The following PIWIL2 variants were observed in gnomAD, a reference collection of about 807,000 sequenced individuals.
The protein encoded by PIWIL2 is piwi like RNA-mediated gene silencing 2.
PIWIL2 carries 81 observed loss-of-function variants against 116.5 expected under a neutral mutation model. That is an observed-to-expected ratio of 0.70 (90% CI 0.58 to 0.84). The LOEUF (loss-of-function observed/expected upper bound fraction) is 0.84, where lower values mean the gene tolerates loss of function less well. Ranked by LOEUF, PIWIL2 falls within the 40% of genes least tolerant of loss-of-function variation. The probability of loss-of-function intolerance (pLI) is 0.00; values close to 1 mark genes in which losing one functional copy is unlikely to be tolerated. For missense variants in PIWIL2, 1,272 were observed against 1,212.3 expected, an observed-to-expected ratio of 1.05 and a Z score of -0.73; for synonymous variants, 489 against 429.5, an observed-to-expected ratio of 1.14 and a Z score of -1.71.
At chr8:22,310,627 T>A (rs1831304802) in intron 15 of PIWIL2, among the ~76,000 whole-genome samples, 1 of 152,064 alleles carries the variant, frequency 6.6e-6, no homozygotes, top group African/African-American at 2.4e-5. Context: ...AGTTTTTTTT[T>A]AATTAAATAG....
chr8:22,333,134 C>G (rs1229824718), intron 20 of PIWIL2, among the ~76,000 whole-genome samples: 3 of 152,026 alleles, frequency 2.0e-5, no homozygotes, highest in Non-Finnish European at 4.4e-5. Context: ...AGATGTTGTA[C>G]TCTCTAGGGT....
intron 20 of PIWIL2, among the ~76,000 whole-genome samples, chr8:22,352,482 A>C (rs543757941): frequency 1.3e-5 from 2 of 152,312 alleles, no homozygotes; most frequent in East Asian, 3.9e-4. Context: ...GGGACGTTTC[A>C]CTTGTCAGCA....
chr8:22,332,679 A>G (rs1831889022), intron 20 of PIWIL2, among the ~76,000 whole-genome samples: 1 of 152,148 alleles, frequency 6.6e-6, no homozygotes, highest in African/African-American at 2.4e-5. Flanking sequence ...AGATAATAAT[A>G]TAATAGCTAC....
At chr8:22,289,786 A>G in intron 8 of PIWIL2, 61 bp from the exon 9 acceptor site, 1 of 1,008,722 alleles carries the variant, frequency 9.9e-7, no homozygotes, top group South Asian at 1.3e-5. Flanking sequence ...GTAGCTAAGA[A>G]TAATGGAACA....
At chr8:22,340,742 A>G (rs184030699) in intron 20 of PIWIL2, among the ~76,000 whole-genome samples, 75 of 152,188 alleles carry the variant, frequency 4.9e-4, no homozygotes, top group African/African-American at 1.5e-3. Flanking sequence ...TTTCTGAGAC[A>G]TAGAGTCTTT....
Position 22,290,976 on chromosome 8 carries a change from T to A in PIWIL2, c.1181+630T>A, listed in dbSNP as rs114255730. Among the ~76,000 whole-genome samples the A allele has an allele frequency of 8.5e-3, 1,194 of 141,156 alleles. 18 individuals carry two copies. Among genetic ancestry groups the A allele is most frequent in the African/African-American group, 0.027 (1,086 of 40,730 alleles). 92.6% of individuals were successfully genotyped at this position (141,156 alleles called of 152,430 possible). A position where few individuals can be genotyped will look rare whatever the true frequency, so the allele number is the denominator to read the frequency against. ...AGTAAATACAGATGTGTATATATATTTTTTTTAATTGAGACAGAGTCTCAC... is the reference window on the plus strand; with the variant it reads ...AGTAAATACAGATGTGTATATATATATTTTTTAATTGAGACAGAGTCTCAC... On this transcript the variant is annotated intron_variant, in intron 10 of 22. Transcript: ENST00000356766.
intron 20 of PIWIL2, among the ~76,000 whole-genome samples, chr8:22,335,825 G>A (rs538065106): frequency 6.6e-6 from 1 of 152,078 alleles, no homozygotes; most frequent in South Asian, 2.1e-4. Flanking sequence ...TCCCAAAGTG[G>A]TGGGATTACA....
At chr8:22,323,782 C>G (rs529878514) in intron 20 of PIWIL2, among the ~76,000 whole-genome samples, 1 of 152,338 alleles carries the variant, frequency 6.6e-6, no homozygotes, top group African/African-American at 2.4e-5. Context: ...TATCATCATA[C>G]TGCATGATTA....
At chr8:22,319,227 A>T (rs991128846) in intron 20 of PIWIL2, among the ~76,000 whole-genome samples, 1 of 152,184 alleles carries the variant, frequency 6.6e-6, no homozygotes, top group African/African-American at 2.4e-5. Flanking sequence ...CTAAGGCTCC[A>T]CCTTGTCTCT....
intron 8 of PIWIL2, among the ~76,000 whole-genome samples, chr8:22,288,957 G>T (rs925698745): frequency 6.6e-6 from 1 of 152,120 alleles, no homozygotes; most frequent in South Asian, 2.1e-4. Flanking sequence ...CATATTTAAT[G>T]GTGACGGTAA....
At chr8:22,341,595 CAAAAA>C (rs34495366) in intron 20 of PIWIL2, among the ~76,000 whole-genome samples, 1 of 99,518 alleles carries the variant, frequency 1.0e-5, no homozygotes. Context: ...AACTCCGTCT[CAAAAA>C]AAAAAAAAAA....
Position 22,321,015 on chromosome 8 carries a change from AATTCT to A in PIWIL2, c.2403+2747_2403+2751del, listed in dbSNP as rs1477939202. Reference sequence around the variant, plus strand: ...ATTTACGTTGAATTTCTAGTATCACAATTCTATTCTAAGTCAATTAACAGTTTGTT... The same window carrying A: ...ATTTACGTTGAATTTCTAGTATCACAATTCTAAGTCAATTAACAGTTTGTT... On this transcript the variant is annotated intron_variant, in intron 20 of 22. Coordinates refer to ENST00000356766, the MANE Select transcript of PIWIL2 (RefSeq NM_018068.5). Among the ~76,000 whole-genome samples, 18 of 152,316 alleles carry A rather than the reference AATTCT, an allele frequency of 1.2e-4. No individual in the cohort carries two copies. The South Asian group carries it at 1.7e-3, about 14-fold the overall frequency.
chr8:22,320,460 CG>C (rs1321223436), intron 20 of PIWIL2, among the ~76,000 whole-genome samples: 1 of 150,050 alleles, frequency 6.7e-6, no homozygotes, highest in East Asian at 2.0e-4. Context: ...TTAGTAGAGA[CG>C]GGGTTTTGCC....
chr8:22,326,457 A>G (rs778916244), intron 20 of PIWIL2, among the ~76,000 whole-genome samples: 22 of 152,006 alleles, frequency 1.4e-4, no homozygotes, highest in Non-Finnish European at 2.6e-4. Context: ...AAACATTTTC[A>G]TCACCGCATA....
At chr8:22,330,138 A>G (rs1586584885) in intron 20 of PIWIL2, among the ~76,000 whole-genome samples, 1 of 151,478 alleles carries the variant, frequency 6.6e-6, no homozygotes, top group East Asian at 1.9e-4. Flanking sequence ...TTTCTTTCTT[A>G]TTTCTTTTTC....
At chr8:22,315,942 C>T (rs1049671978) in intron 18 of PIWIL2, among the ~76,000 whole-genome samples, 2 of 152,132 alleles carry the variant, frequency 1.3e-5, no homozygotes, top group South Asian at 2.1e-4. Flanking sequence ...AGTGTCATGT[C>T]GGTGCTCAAA....
intron 18 of PIWIL2, 29 bp from the exon 19 acceptor site, chr8:22,316,216 T>G: frequency 7.0e-7 from 1 of 1,428,018 alleles, no homozygotes; most frequent in South Asian, 1.1e-5. Flanking sequence ...GGTCTGGGGT[T>G]TGGTTTTTGT....
chr8:22,275,896 G>A (rs1830356008), intron 1 of PIWIL2: 1 of 152,288 alleles, frequency 6.6e-6, no homozygotes, highest in African/African-American at 2.4e-5. Flanking sequence ...GATCCCAGGG[G>A]GAAACCCACA....
At chr8:22,309,031 G>A (rs1831258908) in intron 14 of PIWIL2, among the ~76,000 whole-genome samples, 4 of 150,490 alleles carry the variant, frequency 2.7e-5, no homozygotes, top group African/African-American at 9.8e-5. Flanking sequence ...GCGCAATCTC[G>A]GCTCACTGCA....
Sources: allele counts gnomAD v4.1 joint callset (sites outside exome capture counted in the v4.1 genomes callset), GRCh38; gene constraint gnomAD v4.1.1; transcripts MANE v1.5; gene names NCBI Gene and HGNC (gene_info 2026-07-23, HGNC 2026-07-21).